Variants in PID1 observed in about 807,000 individuals in gnomAD.
PID1 encodes the protein PTB-containing, cubilin and LRP1-interacting protein.
In PID1, 10 loss-of-function variants were observed where a neutral mutation model predicts 19.1. That is an observed-to-expected ratio of 0.52 (90% CI 0.32 to 0.89). The LOEUF (loss-of-function observed/expected upper bound fraction) is 0.89. Ranked by LOEUF, PID1 falls within the 40% of genes least tolerant of loss-of-function variation. The probability of loss-of-function intolerance (pLI) is 0.03; values close to 1 mark genes in which losing one functional copy is unlikely to be tolerated. For synonymous variants in PID1, 130 were observed against 116.0 expected, an observed-to-expected ratio of 1.12 and a Z score of -0.78; for missense variants, 248 against 285.3, an observed-to-expected ratio of 0.87 and a Z score of 0.94.
chr2:229,203,099 G>A (rs1691533079), intron 1 of PID1, among the ~76,000 whole-genome samples: 1 of 152,092 alleles, frequency 6.6e-6, no homozygotes, highest in East Asian at 1.9e-4. Flanking sequence ...AGATCATTCA[G>A]TAGGAGAAAG....
chr2:229,204,799 T>C (rs1020910732), intron 1 of PID1, among the ~76,000 whole-genome samples: 3 of 152,074 alleles, frequency 2.0e-5, no homozygotes, highest in African/African-American at 7.2e-5. Flanking sequence ...GTACGGGTGG[T>C]CTTCAGTGAA....
intron 2 of PID1, among the ~76,000 whole-genome samples, chr2:229,138,993 AAGAAAGAAAG>A (rs1689919384): frequency 1.2e-5 from 1 of 81,540 alleles, no homozygotes; most frequent in Non-Finnish European, 2.5e-5. Flanking sequence ...GAAAGAAAGA[AAGAAAGAAAG>A]AAAGAAAGAA....
At chr2:229,055,883 C>CAAA (rs1426783785) in intron 2 of PID1, among the ~76,000 whole-genome samples, 1 of 152,206 alleles carries the variant, frequency 6.6e-6, no homozygotes, top group East Asian at 1.9e-4. Context: ...CAATTCTAAT[C>CAAA]TTGTAAATCA....
At chr2:229,034,386 T>C (rs780315603) in intron 2 of PID1, among the ~76,000 whole-genome samples, 22 of 152,200 alleles carry the variant, frequency 1.4e-4, no homozygotes, top group Non-Finnish European at 2.8e-4. Context: ...GTACTAGCTG[T>C]TTCTATAGAT....
chr2:229,165,440 A>C (rs1447205494), intron 1 of PID1, among the ~76,000 whole-genome samples: 1 of 151,938 alleles, frequency 6.6e-6, no homozygotes, highest in Non-Finnish European at 1.5e-5. Flanking sequence ...TCTTTACTAA[A>C]ATTACAAAAA....
chr2:229,114,113 T>TTCTCTCTCTCTCTC (rs59302884), intron 2 of PID1, among the ~76,000 whole-genome samples: 24 of 138,936 alleles, frequency 1.7e-4, no homozygotes, highest in East Asian at 1.1e-3. Context: ...CTCTCTCTCT[T>TTCTCTCTCTCTCTC]TCTCTCTCTC....
At chr2:229,065,925 T>C (rs1694316560) in intron 2 of PID1, among the ~76,000 whole-genome samples, 1 of 152,138 alleles carries the variant, frequency 6.6e-6, no homozygotes. Flanking sequence ...GATGTAAACA[T>C]AGACCCCCAA....
intron 1 of PID1, among the ~76,000 whole-genome samples, chr2:229,259,943 C>T (rs1418016202): frequency 2.0e-5 from 3 of 152,112 alleles, no homozygotes; most frequent in Non-Finnish European, 4.4e-5. Flanking sequence ...ACTGAATCTG[C>T]TGGCATCTTT....
chr2:229,236,907 T>C (rs778919599), intron 1 of PID1, among the ~76,000 whole-genome samples: 4 of 151,922 alleles, frequency 2.6e-5, no homozygotes, highest in Non-Finnish European at 5.9e-5. Context: ...GTGTTGTTTA[T>C]AGATAGCTAT....
At chr2:229,142,487 G>C (rs964844547) in intron 2 of PID1, among the ~76,000 whole-genome samples, 2 of 152,118 alleles carry the variant, frequency 1.3e-5, no homozygotes, top group Admixed American at 1.3e-4. Flanking sequence ...TAACATATCA[G>C]GGGTTTCAAC....
Position 229,102,131 on chromosome 2 carries a change from C to A in PID1, c.177+53687G>T, listed in dbSNP as rs73998548. Among the ~76,000 whole-genome samples the A allele has an allele frequency of 3.0e-3, 449 of 152,164 alleles. 4 individuals are homozygous for A. Among genetic ancestry groups the A allele is most frequent in the African/African-American group, 0.01 (428 of 41,512 alleles). On this transcript the variant is annotated intron_variant, in intron 2 of 2. Coordinates refer to ENST00000392055, the MANE Select transcript of PID1 (RefSeq NM_001100818.2). ...AGGCAAGGACACAGATTCTCCCCTACGTCCTCCAGAAAGGAAGATCGCTAA... is the reference window on the plus strand; with the variant it reads ...AGGCAAGGACACAGATTCTCCCCTAAGTCCTCCAGAAAGGAAGATCGCTAA...
intron 2 of PID1, among the ~76,000 whole-genome samples, chr2:229,053,052 C>G (rs1694026922): frequency 6.6e-6 from 1 of 152,094 alleles, no homozygotes; most frequent in African/African-American, 2.4e-5. Context: ...GCAACAAAAG[C>G]CTGTGCCATA....
rs542702601 is a variant in PID1 at position 229,066,066 on chromosome 2, A to G, written c.178-39958T>C. On this transcript the variant is annotated intron_variant, in intron 2 of 2. Transcript: ENST00000392055. ...CTGTTGAAAGGAAACATGAATACAA[A>G]ACTATGTTTTAAGCCACACACAAAA... is the stretch of plus-strand genomic sequence containing the variant. 3.9e-5 allele frequency among the ~76,000 whole-genome samples: 6 copies of G among 152,314 alleles called. No homozygotes were observed. In the South Asian group the frequency reaches 1.2e-3, roughly 32 times the overall value.
intron 2 of PID1, among the ~76,000 whole-genome samples, chr2:229,107,253 T>G (rs1463494652): frequency 6.6e-6 from 1 of 152,170 alleles, no homozygotes; most frequent in Non-Finnish European, 1.5e-5. Flanking sequence ...AATAAGTTCC[T>G]GTTGTTTTAA....
chr2:229,195,845 T>A (rs1234344315), intron 1 of PID1, among the ~76,000 whole-genome samples: 1 of 152,076 alleles, frequency 6.6e-6, no homozygotes, highest in Non-Finnish European at 1.5e-5. Flanking sequence ...TACAGAGTCT[T>A]AATCAAAACA....
At position 229,237,737 on chromosome 2, in the gene PID1, A is replaced by T. The variant is rs553198938; in HGVS notation, c.30+33277T>A. Among the ~76,000 whole-genome samples, 5 of 152,258 alleles carry T rather than the reference A, an allele frequency of 3.3e-5. No individual in the cohort carries two copies. The South Asian group carries it at 8.3e-4, about 25-fold the overall frequency. Reference sequence around the variant, plus strand: ...ATATCTATACATTTTCATGTCCTTTACCCGCCCCATACACACAAGCACGTA... The same window carrying T: ...ATATCTATACATTTTCATGTCCTTTTCCCGCCCCATACACACAAGCACGTA... On this transcript the variant is annotated intron_variant, in intron 1 of 2. Coordinates refer to ENST00000392055, the MANE Select transcript of PID1 (RefSeq NM_001100818.2).
At chr2:229,241,101 C>T (rs1485645266) in intron 1 of PID1, among the ~76,000 whole-genome samples, 1 of 152,116 alleles carries the variant, frequency 6.6e-6, no homozygotes, top group Admixed American at 6.5e-5. Context: ...CATTTGTTCA[C>T]TCCTTATGAC....
chr2:229,147,168 G>A (rs959741112), intron 2 of PID1, among the ~76,000 whole-genome samples: 6 of 152,126 alleles, frequency 3.9e-5, no homozygotes, highest in African/African-American at 7.2e-5. Flanking sequence ...ATGGAAAAAC[G>A]TCACTTTCCC....
chr2:229,130,226 G>A (rs1157899213), intron 2 of PID1, among the ~76,000 whole-genome samples: 3 of 152,146 alleles, frequency 2.0e-5, no homozygotes, highest in Admixed American at 6.5e-5. Context: ...TGTCTGGAGA[G>A]CCAGACAGCC....
Sources: gnomAD v4.1 joint callset for allele counts (sites outside exome capture counted in the v4.1 genomes callset) on GRCh38, gnomAD v4.1.1 for gene constraint, MANE v1.5 for transcripts, NCBI Gene and HGNC (gene_info 2026-07-23, HGNC 2026-07-21) for gene names.